EDIL3: variants seen among roughly 807,000 people sequenced by gnomAD.
EDIL3 encodes EGF-like repeat and discoidin I-like domain-containing protein 3.
Under a neutral mutation model 67.4 loss-of-function variants are expected in EDIL3, and 37 were observed. The ratio of observed to expected loss-of-function variants is 0.55; its 90% CI spans 0.42 to 0.72. The LOEUF is 0.72. EDIL3 is among the 30% of genes least tolerant of loss of function. The pLI, the probability that EDIL3 is intolerant of heterozygous loss-of-function variation, is 0.00. For missense variants in EDIL3, 527 were observed against 586.3 expected, an observed-to-expected ratio of 0.90 and a Z score of 1.04; for synonymous variants, 195 against 196.3, an observed-to-expected ratio of 0.99 and a Z score of 0.05.
chr5:84,039,536 A>T (rs1746082723), intron 9 of EDIL3, among the ~76,000 whole-genome samples: 1 of 152,206 alleles, frequency 6.6e-6, no homozygotes, highest in African/African-American at 2.4e-5. Flanking sequence ...ATGCAAAACA[A>T]TTACAGATGA....
rs142680493 is a variant in EDIL3, at chr5:84,100,339, A to G, written c.651+6310T>C. ...TTGGAACCAACCCAAATGCCCATCA[A>G]TGATAGACTGGATAAAGAATGAGGC... is the stretch of plus-strand genomic sequence containing the variant. On this transcript the variant is annotated intron_variant, in intron 6 of 10. Transcript: ENST00000296591. Among the ~76,000 whole-genome samples, 1,000 of 152,284 alleles carry G rather than the reference A, an allele frequency of 6.6e-3. 11 individuals carry two copies. Among genetic ancestry groups the G allele is most frequent in the African/African-American group, 0.023 (950 of 41,554 alleles).
rs369114575 is a variant in EDIL3, at chr5:84,018,872, G to A, written c.1137+41428C>T. On this transcript the variant is annotated intron_variant, in intron 9 of 10. Transcript: ENST00000296591. ...ACCATCTCACACCAGTTAGAATGGCGATCATTAAAAAGTCAGGAAACAACA... is the reference window on the plus strand; with the variant it reads ...ACCATCTCACACCAGTTAGAATGGCAATCATTAAAAAGTCAGGAAACAACA... Among the ~76,000 whole-genome samples the A allele has an allele frequency of 2.2e-3, 330 of 152,118 alleles. 1 individual carries two copies. The highest frequency in any genetic ancestry group is 7.6e-3 in the African/African-American group (315 of 41,520).
At chr5:84,041,902 G>T (rs1455504955) in intron 9 of EDIL3, among the ~76,000 whole-genome samples, 1 of 152,088 alleles carries the variant, frequency 6.6e-6, no homozygotes, top group Admixed American at 6.6e-5. Flanking sequence ...AATAAACAAA[G>T]ATTGAACCTT....
At chr5:84,036,181 C>T (rs73134210) in intron 9 of EDIL3, among the ~76,000 whole-genome samples, 8,856 of 152,172 alleles carry the variant, frequency 0.058, 874 homozygotes, top group African/African-American at 0.2. Context: ...ATCCAGGAGA[C>T]CTGTCTCTTC....
At chr5:84,242,769 G>T (rs1744823385) in intron 2 of EDIL3, among the ~76,000 whole-genome samples, 1 of 128,212 alleles carries the variant, frequency 7.8e-6, no homozygotes, top group African/African-American at 3.1e-5. Flanking sequence ...TTGCACTCCA[G>T]CATAGGCGAC....
At chr5:84,315,262 A>G (rs1431503377) in intron 1 of EDIL3, among the ~76,000 whole-genome samples, 2 of 152,220 alleles carry the variant, frequency 1.3e-5, no homozygotes, top group African/African-American at 4.8e-5. Context: ...CAAAGCTCCT[A>G]TAATTATGAA....
chr5:83,976,886 T>C (rs1744885647), intron 9 of EDIL3, among the ~76,000 whole-genome samples: 1 of 151,874 alleles, frequency 6.6e-6, no homozygotes, highest in Non-Finnish European at 1.5e-5. Flanking sequence ...CTCAATATTA[T>C]ATTACTAAGG....
chr5:84,094,867 T>C (rs1747236320), intron 6 of EDIL3, among the ~76,000 whole-genome samples: 3 of 152,222 alleles, frequency 2.0e-5, no homozygotes, highest in Admixed American at 6.5e-5. Context: ...AAAAATCAAA[T>C]AGCCATTTAG....
chr5:84,050,938 C>T (rs1746324730), intron 9 of EDIL3, among the ~76,000 whole-genome samples: 1 of 152,200 alleles, frequency 6.6e-6, no homozygotes, highest in Non-Finnish European at 1.5e-5. Flanking sequence ...ACCTAAATGT[C>T]CCTGTCTGAC....
At chr5:84,354,887 T>C (rs1020930439) in intron 1 of EDIL3, among the ~76,000 whole-genome samples, 1 of 152,190 alleles carries the variant, frequency 6.6e-6, no homozygotes, top group Non-Finnish European at 1.5e-5. Flanking sequence ...TTCATATTTT[T>C]TAAGCATCTC....
chr5:83,982,326 C>G (rs1744984033), intron 9 of EDIL3, among the ~76,000 whole-genome samples: 1 of 152,028 alleles, frequency 6.6e-6, no homozygotes, highest in Non-Finnish European at 1.5e-5. Flanking sequence ...CAATTAATAA[C>G]TTAAAATTAA....
At chr5:84,337,795 C>A (rs1172924559) in intron 1 of EDIL3, among the ~76,000 whole-genome samples, 2 of 152,108 alleles carry the variant, frequency 1.3e-5, no homozygotes, top group Non-Finnish European at 2.9e-5. Flanking sequence ...TTCATTTTTA[C>A]TGAAGAACTA....
At chr5:84,309,793 G>A (rs915563017) in intron 1 of EDIL3, among the ~76,000 whole-genome samples, 6 of 152,224 alleles carry the variant, frequency 3.9e-5, no homozygotes, top group African/African-American at 9.6e-5. Flanking sequence ...GAATAGTGCC[G>A]CAATAAACAC....
chr5:84,082,493 G>C (rs1042497353), intron 6 of EDIL3, among the ~76,000 whole-genome samples: 5 of 152,144 alleles, frequency 3.3e-5, no homozygotes, highest in Non-Finnish European at 4.4e-5. Flanking sequence ...AAATGAGAGA[G>C]CTAAACAGAA....
chr5:84,298,459 C>T (rs1426163876), intron 1 of EDIL3, among the ~76,000 whole-genome samples: 1 of 152,134 alleles, frequency 6.6e-6, no homozygotes, highest in Admixed American at 6.5e-5. Flanking sequence ...GGGAACAACA[C>T]ACACTGGGGC....
chr5:84,112,010 T>A (rs1331295744), intron 5 of EDIL3, among the ~76,000 whole-genome samples: 1 of 152,044 alleles, frequency 6.6e-6, no homozygotes, highest in Non-Finnish European at 1.5e-5. Flanking sequence ...AACAGGCTGC[T>A]ATGATGAGGG....
At chr5:84,127,500 T>A (rs1402254245) in intron 5 of EDIL3, among the ~76,000 whole-genome samples, 3 of 152,086 alleles carry the variant, frequency 2.0e-5, no homozygotes, top group Non-Finnish European at 4.4e-5. Flanking sequence ...AGGAGCAGCC[T>A]GTGGCTATTA....
chr5:84,341,506 C>T (rs1033147269), intron 1 of EDIL3, among the ~76,000 whole-genome samples: 1 of 152,070 alleles, frequency 6.6e-6, no homozygotes, highest in African/African-American at 2.4e-5. Context: ...AGACGTGTTC[C>T]TAATCTTTCT....
intron 1 of EDIL3, among the ~76,000 whole-genome samples, chr5:84,382,209 C>G (rs1382422980): frequency 6.6e-6 from 1 of 152,198 alleles, no homozygotes; most frequent in Non-Finnish European, 1.5e-5. Flanking sequence ...GGAGAAATCT[C>G]CTGAAGAATA....
Sources: allele counts gnomAD v4.1 joint callset (sites outside exome capture counted in the v4.1 genomes callset), GRCh38; gene constraint gnomAD v4.1.1; transcripts MANE v1.5; gene names NCBI Gene and HGNC (gene_info 2026-07-23, HGNC 2026-07-21).